Variants in PI4KB observed in about 807,000 individuals in gnomAD.
PI4KB encodes the protein phosphatidylinositol 4-kinase beta.
A neutral mutation model predicts 81.4 loss-of-function variants in PI4KB; 23 were observed. The ratio of observed to expected loss-of-function variants is 0.28; its 90% CI spans 0.20 to 0.40. The LOEUF is 0.40. Ranked by LOEUF, PI4KB falls within the 10% of genes least tolerant of loss-of-function variation. The probability of loss-of-function intolerance (pLI) is 1.00; values close to 1 mark genes in which losing one functional copy is unlikely to be tolerated. For synonymous variants in PI4KB, 381 were observed against 406.8 expected, an observed-to-expected ratio of 0.94 and a Z score of 0.76; for missense variants, 651 against 1,036.6, an observed-to-expected ratio of 0.63 and a Z score of 5.11.
chr1:151,326,147 A>C, intron 1 of PI4KB: 1 of 1,611,198 alleles, frequency 6.2e-7, no homozygotes, highest in East Asian at 2.2e-5. Context: ...CCTAAAATTA[A>C]ATAATCTGAA....
At chr1:151,298,340 C>T in intron 9 of PI4KB, 1 of 174,968 alleles carries the variant, frequency 5.7e-6, no homozygotes, top group Non-Finnish European at 1.2e-5. Context: ...ATTTAATCAA[C>T]ACAGACTGGA....
Position 151,315,793 on chromosome 1 carries a change from T to A in PI4KB, c.689A>T (p.His230Leu). 6.2e-7 allele frequency: 1 copy of A among 1,611,940 alleles called. No homozygotes were observed. Among genetic ancestry groups the A allele is most frequent in the Non-Finnish European group, 8.5e-7 (1 of 1,178,876 alleles). The part of the protein sequence containing the change: ...SSDMHISTQR[H>L]SRGTKLRKLI... ...CTTCCGTAGCTTGGTCCCACGGGAG[T>A]GTCGTTGAGTGGAAATGTGCATGTC... The change falls in exon 2 of 12, where the codon CAC (histidine) becomes CTC (leucine). Residue 230 changes from histidine to leucine, a missense_variant. Around this residue, in one of 5 missense-constraint regions of PI4KB, gnomAD observed 314 missense variants for 397.8 expected, o/e 0.79. Transcript: ENST00000368873.
At chr1:151,294,589 T>A (rs368333782) in intron 9 of PI4KB, 48 bp from the exon 10 acceptor site, 1 of 1,601,854 alleles carries the variant, frequency 6.2e-7, no homozygotes, top group Non-Finnish European at 8.5e-7. Context: ...TCAGTCTGAC[T>A]GAGGCTGGAA....
rs189838192 is a variant in PI4KB at position 151,321,791 on chromosome 1, T to G, written c.-28-5282A>C. 2.3e-4 allele frequency among the ~76,000 whole-genome samples: 33 copies of G among 145,596 alleles called. No individual in the cohort carries two copies. In the East Asian group the frequency reaches 6.8e-3, roughly 30 times the overall value. On this transcript the variant is annotated intron_variant, in intron 1 of 11. Coordinates refer to ENST00000368873, the MANE Select transcript of PI4KB (RefSeq NM_001369623.2). The stretch of plus-strand genomic sequence containing the variant: ...GGGAGGCTGAGGCAGGAGAATAGCA[T>G]GAACCCAGGAGGCGGAGCTTGCAGT...
rs1482068443 is a variant in PI4KB, at chr1:151,292,063, G to C, written c.*789C>G. The C allele has an allele frequency of 6.6e-6, 1 of 152,106 alleles. No individual in the cohort carries two copies. The highest frequency in any genetic ancestry group is 1.9e-4 in the East Asian group (1 of 5,184). The allele number at this position is 152,106 out of a possible 1,614,324, so 9.4% of individuals were successfully genotyped here. On this transcript the variant is annotated 3_prime_UTR_variant, in exon 12 of 12. Transcript: ENST00000368873. ...GTGCCTTTTGTATCTTGGACACTGA[G>C]GCATCCGTTCATACCTCATCACCCA...
intron 1 of PI4KB, among the ~76,000 whole-genome samples, chr1:151,318,442 G>A (rs1648327768): frequency 6.6e-6 from 1 of 150,642 alleles, no homozygotes; most frequent in Non-Finnish European, 1.5e-5. Context: ...GCCGGGCGCG[G>A]TGGCTCACGC....
chr1:151,294,756 G>C (rs770674567), intron 9 of PI4KB, among the ~76,000 whole-genome samples: 26 of 152,164 alleles, frequency 1.7e-4, no homozygotes, highest in Non-Finnish European at 3.7e-4. Flanking sequence ...AAAGGCTATG[G>C]GGTCTGAAAT....
chr1:151,302,809 T>C (rs1242716013), intron 6 of PI4KB, among the ~76,000 whole-genome samples: 2 of 151,432 alleles, frequency 1.3e-5, no homozygotes, highest in East Asian at 2.0e-4. Context: ...GGTCTCGATC[T>C]CCTGACCTTA....
rs757202700 is a variant in PI4KB at position 151,310,172 on chromosome 1, G to C, written c.954+39C>G. ...GGACGGAGAGGAAATGCGGCCACTG[G>C]GGGAGCCTGCCACCCCGTCCCAGCC... On this transcript the variant is annotated intron_variant, in intron 3 of 11. Coordinates refer to ENST00000368873, the MANE Select transcript of PI4KB (RefSeq NM_001369623.2). 2.6e-6 allele frequency: 4 copies of C among 1,514,742 alleles called. No homozygotes were observed. In the East Asian group the frequency reaches 6.8e-5, roughly 26 times the overall value. 93.8% of individuals were successfully genotyped at this position (1,514,742 alleles called of 1,614,324 possible).
Position 151,299,087 on chromosome 1 carries a change from T to C in PI4KB, c.1750-14A>G. The C allele has an allele frequency of 1.9e-6, 3 of 1,612,044 alleles. No individual in the cohort carries two copies. The highest frequency in any genetic ancestry group is 2.5e-6 in the Non-Finnish European group (3 of 1,178,186). ...TTCCCAAATGGACTGTGAGGAGACA[T>C]GGAGGATACAGGACTCTTATCTTTC... is the stretch of plus-strand genomic sequence containing the variant. On this transcript the variant is annotated splice_polypyrimidine_tract_variant and intron_variant, in intron 8 of 11. Transcript: ENST00000368873.
chr1:151,326,274 C>T lies in PI4KB; in HGVS notation c.-29+997G>A, dbSNP rs961573947. The T allele has an allele frequency of 1.1e-5, 15 of 1,307,340 alleles. No homozygotes were observed. In the African/African-American group the frequency reaches 1.2e-4, roughly 10 times the overall value. The allele number at this position is 1,307,340 out of a possible 1,614,324, so 81.0% of individuals were successfully genotyped here. A position where few individuals can be genotyped will look rare whatever the true frequency, so the allele number is the denominator to read the frequency against. ...ATAGGGACTTCTTCAAAACTTGCTC[C>T]GGCCTTCAGAAACACCCTTCTGTCC... On this transcript the variant is annotated intron_variant, in intron 1 of 11. Transcript: ENST00000368873.
chr1:151,294,109 G>T lies in PI4KB; in HGVS notation c.2178C>A (p.Phe726Leu). The T allele has an allele frequency of 6.2e-7, 1 of 1,613,960 alleles. No individual in the cohort carries two copies. Among genetic ancestry groups the T allele is most frequent in the South Asian group, 1.1e-5 (1 of 91,054 alleles). The change falls in exon 11 of 12, where the codon TTC (phenylalanine) becomes TTA (leucine). Residue 726 changes from phenylalanine (F) to leucine (L), a missense_variant. By Grantham distance (22) the Phe-to-Leu change is conservative. This residue lies in a region of PI4KB where 70 missense variants were observed against 108.1 expected (regional missense o/e 0.65). Transcript: ENST00000368873. The part of the protein sequence containing the change: ...DVMGGLDGDM[F>L]NYYKMLMLQG... ...GCAGCATCAGCATCTTATAGTAGTT[G>T]AACATGTCGCCATCCAGGCCGCCCA...
At chr1:151,317,987 T>A (rs1055668059) in intron 1 of PI4KB, among the ~76,000 whole-genome samples, 35 of 151,816 alleles carry the variant, frequency 2.3e-4, no homozygotes, top group Admixed American at 1.6e-3. Flanking sequence ...TAAAAAAAAA[T>A]TTTTTTGTGC....
chr1:151,304,889 G>C (rs1014680615), intron 5 of PI4KB, among the ~76,000 whole-genome samples: 1 of 151,202 alleles, frequency 6.6e-6, no homozygotes, highest in African/African-American at 2.4e-5. Flanking sequence ...AAGTGCAGTG[G>C]CGTGATCTTG....
intron 9 of PI4KB, chr1:151,298,530 C>T (rs1046217674): frequency 8.5e-6 from 4 of 468,112 alleles, no homozygotes; most frequent in African/African-American, 7.8e-5. Flanking sequence ...TCCCCTGCAG[C>T]TTCCTCTGTC....
intron 2 of PI4KB, among the ~76,000 whole-genome samples, chr1:151,310,932 C>T (rs1426906135): frequency 6.6e-6 from 1 of 152,136 alleles, no homozygotes; most frequent in Non-Finnish European, 1.5e-5. Flanking sequence ...ATCTACCAAA[C>T]CTCCTTAGGC....
chr1:151,307,235 G>T (rs757137484), intron 4 of PI4KB, among the ~76,000 whole-genome samples: 12 of 152,152 alleles, frequency 7.9e-5, no homozygotes, highest in Admixed American at 2.0e-4. Context: ...CCTTATGGTT[G>T]CTGTATCTGG....
intron 1 of PI4KB, 59 bp downstream of exon 1, chr1:151,327,212 A>AGGGCCG: frequency 1.3e-5 from 1 of 79,244 alleles, no homozygotes; most frequent in Non-Finnish European, 2.5e-5. Flanking sequence ...AGGGTGGGAG[A>AGGGCCG]GGGACCCCCC....
chr1:151,303,564 C>T lies in PI4KB; in HGVS notation c.1497G>A (p.Val499=). 1 of 1,613,172 alleles carries T rather than the reference C, an allele frequency of 6.2e-7. No individual in the cohort carries two copies. The change falls in exon 6 of 12, where the codon GTG becomes GTA. Residue 499 remains valine (V), a synonymous_variant. Coordinates refer to ENST00000368873, the MANE Select transcript of PI4KB (RefSeq NM_001369623.2). ...ACCGGATGTCCCCTGCTGCAATGAA[C>T]ACAGGCTCCTTGCTCTCCTGGCTGG... ...SITSQESKEP[V]FIAAGDIRRR...
Sources: gnomAD v4.1 joint callset for allele counts (sites outside exome capture counted in the v4.1 genomes callset) on GRCh38, gnomAD v4.1.1 for gene constraint, gnomAD v4.1.1 regional missense constraint, MANE v1.5 for transcripts, NCBI Gene and HGNC (gene_info 2026-07-23, HGNC 2026-07-21) for gene names.